EYS: variants seen among roughly 807,000 people sequenced by gnomAD.
EYS encodes the protein EGF-like photoreceptor maintenance factor.
In EYS, 250 loss-of-function variants were observed where a neutral mutation model predicts 282.1. That is an observed-to-expected ratio of 0.89 (90% CI 0.80 to 0.98). EYS has a LOEUF of 0.98. Ranked by LOEUF, EYS falls within the 50% of genes least tolerant of loss-of-function variation. The pLI, the probability that EYS is intolerant of heterozygous loss-of-function variation, is 0.00. For synonymous variants in EYS, 1,355 were observed against 1,282.9 expected (o/e 1.06, Z -1.20); for missense variants, 4,016 against 3,709.0 (o/e 1.08, Z -2.15).
At chr6:64,394,517 A>G (rs1327056739) in intron 28 of EYS, among the ~76,000 whole-genome samples, 1 of 152,206 alleles carries the variant, frequency 6.6e-6, no homozygotes, top group Non-Finnish European at 1.5e-5. Context: ...CCTGACAAAA[A>G]CAAGAAATGG....
In EYS at chr6:64,534,883, T is replaced by C. The variant is rs538458963; in HGVS notation, c.5644+55340A>G. The stretch of plus-strand genomic sequence containing the variant: ...GGCAAACTGACATACAGTATGACTG[T>C]TCAGGCCTTTGCAGACATCCAATTT... On this transcript the variant is annotated intron_variant, in intron 26 of 42. Coordinates refer to ENST00000503581, the MANE Select transcript of EYS (RefSeq NM_001142800.2). Among the ~76,000 whole-genome samples the C allele has an allele frequency of 1.4e-3, 216 of 152,236 alleles. 3 individuals carry two copies. Among genetic ancestry groups the C allele is most frequent in the Admixed American group, 2.5e-3 (38 of 15,282 alleles).
At chr6:64,217,521 T>C (rs1196522799) in intron 31 of EYS, among the ~76,000 whole-genome samples, 3 of 151,962 alleles carry the variant, frequency 2.0e-5, no homozygotes, top group African/African-American at 7.3e-5. Context: ...AGAGCAAGAC[T>C]CCGTCCCCCT....
chr6:64,004,458 C>CT (rs35421723), intron 33 of EYS, among the ~76,000 whole-genome samples: 20 of 148,932 alleles, frequency 1.3e-4, no homozygotes, highest in Non-Finnish European at 2.4e-4. Context: ...GTTTGAATCA[C>CT]TTTTTTTTTT....
intron 8 of EYS, among the ~76,000 whole-genome samples, chr6:65,363,433 TG>T (rs1429288375): frequency 5.3e-5 from 8 of 152,124 alleles, no homozygotes; most frequent in African/African-American, 9.6e-5. Flanking sequence ...ACTCATTTTT[TG>T]TTACAGTTAT....
chr6:64,586,872 C>G (rs1766250525), intron 26 of EYS, among the ~76,000 whole-genome samples: 1 of 152,064 alleles, frequency 6.6e-6, no homozygotes, highest in East Asian at 1.9e-4. Flanking sequence ...ATTGCTCTTT[C>G]TTATATCCTT....
chr6:65,317,871 TTTCTTTCTTTCTTTCA>T (rs1769352145), intron 11 of EYS, among the ~76,000 whole-genome samples: 2 of 64,538 alleles, frequency 3.1e-5, no homozygotes, highest in Non-Finnish European at 6.1e-5. Flanking sequence ...TCTTTCTTTC[TTTCTTTCTTTCTTTCA>T]GACAGAGTCT....
intron 33 of EYS, among the ~76,000 whole-genome samples, chr6:64,055,410 A>G (rs180744637): frequency 1.3e-5 from 2 of 152,272 alleles, no homozygotes; most frequent in Middle Eastern, 3.4e-3. Flanking sequence ...TATAGCAGAA[A>G]AATGAGTGTT....
chr6:63,914,447 G>A (rs574568109), intron 35 of EYS, among the ~76,000 whole-genome samples: 11 of 152,252 alleles, frequency 7.2e-5, no homozygotes, highest in East Asian at 1.9e-4. Flanking sequence ...AGTGGCTCAC[G>A]CCTGTAATCC....
chr6:65,619,089 G>A (rs1253777575), intron 2 of EYS, among the ~76,000 whole-genome samples: 3 of 151,788 alleles, frequency 2.0e-5, no homozygotes, highest in Non-Finnish European at 2.9e-5. Flanking sequence ...ATGCTGTGAA[G>A]AAAGGCATTG....
intron 22 of EYS, among the ~76,000 whole-genome samples, chr6:64,639,691 C>T (rs573581484): frequency 0.015 from 1,360 of 90,796 alleles, 507 homozygotes; most frequent in Non-Finnish European, 0.024. Flanking sequence ...AAAGCAATGG[C>T]AACAAAAGAC....
intron 39 of EYS, among the ~76,000 whole-genome samples, chr6:63,781,446 C>T (rs1303115364): frequency 6.6e-6 from 1 of 152,090 alleles, no homozygotes; most frequent in African/African-American, 2.4e-5. Flanking sequence ...TTGTAGTTCT[C>T]CTTGAAGAGG....
Position 65,398,780 on chromosome 6 carries a change from G to T in EYS, c.1184+3698C>A, listed in dbSNP as rs528573734. Reference sequence around the variant, plus strand: ...TCAATATCTCTACTTGGCTCTATTAGGTGTCTTGTCTAACATGTTCAAAAC... The same window carrying T: ...TCAATATCTCTACTTGGCTCTATTATGTGTCTTGTCTAACATGTTCAAAAC... On this transcript the variant is annotated intron_variant, in intron 7 of 42. Transcript: ENST00000503581. Among the ~76,000 whole-genome samples the T allele has an allele frequency of 2.2e-4, 34 of 152,090 alleles. No individual in the cohort carries two copies. In the South Asian group the frequency reaches 6.6e-3, roughly 30 times the overall value.
At chr6:63,842,355 G>A (rs1301832824) in intron 36 of EYS, among the ~76,000 whole-genome samples, 2 of 152,196 alleles carry the variant, frequency 1.3e-5, no homozygotes, top group Non-Finnish European at 2.9e-5. Flanking sequence ...TTTCTCTAAT[G>A]ACCAGTGATG....
intron 26 of EYS, among the ~76,000 whole-genome samples, chr6:64,483,081 T>A (rs923350958): frequency 2.3e-4 from 35 of 151,014 alleles, no homozygotes; most frequent in Non-Finnish European, 4.7e-4. Flanking sequence ...AGAATAACAA[T>A]TTTTTTTTCT....
chr6:64,566,998 C>T (rs922611554), intron 26 of EYS, among the ~76,000 whole-genome samples: 28 of 152,266 alleles, frequency 1.8e-4, no homozygotes, highest in African/African-American at 6.7e-4. Flanking sequence ...TGGTCTTGAA[C>T]TCCTGACCTC....
At chr6:65,080,224 A>G (rs530623645) in intron 12 of EYS, among the ~76,000 whole-genome samples, 6 of 152,194 alleles carry the variant, frequency 3.9e-5, no homozygotes, top group Non-Finnish European at 7.4e-5. Context: ...CAGAGTTACA[A>G]GTTGTCCTCA....
At chr6:64,904,362 A>G (rs1562251784) in intron 16 of EYS, among the ~76,000 whole-genome samples, 1 of 152,188 alleles carries the variant, frequency 6.6e-6, no homozygotes, top group Non-Finnish European at 1.5e-5. Flanking sequence ...ACAAAATTAA[A>G]ATGAATTACT....
At chr6:65,220,504 C>A (rs984702837) in intron 12 of EYS, among the ~76,000 whole-genome samples, 1 of 152,152 alleles carries the variant, frequency 6.6e-6, no homozygotes, top group Non-Finnish European at 1.5e-5. Flanking sequence ...TCCCTTTGCT[C>A]TTCCTTCGTC....
intron 13 of EYS, among the ~76,000 whole-genome samples, chr6:65,035,730 G>A (rs533837945): frequency 7.9e-5 from 12 of 151,692 alleles, no homozygotes; most frequent in South Asian, 4.2e-4. Flanking sequence ...TGGAAGAATC[G>A]TTGTTAAAAT....
Sources: gnomAD v4.1 joint callset for allele counts (sites outside exome capture counted in the v4.1 genomes callset) on GRCh38, gnomAD v4.1.1 for gene constraint, MANE v1.5 for transcripts, NCBI Gene and HGNC (gene_info 2026-07-23, HGNC 2026-07-21) for gene names.